KIAA1549: variants seen among roughly 807,000 people sequenced by gnomAD.
KIAA1549 encodes KIAA1549, also known as UPF0606 protein KIAA1549.
In KIAA1549, 70 loss-of-function variants were observed where a neutral mutation model predicts 156.4. The ratio of observed to expected loss-of-function variants is 0.45; its 90% CI spans 0.37 to 0.55. The LOEUF (loss-of-function observed/expected upper bound fraction) is 0.55. KIAA1549 is among the 20% of genes least tolerant of loss of function. The probability of loss-of-function intolerance (pLI) is 0.00; values close to 1 mark genes in which losing one functional copy is unlikely to be tolerated. For missense variants in KIAA1549, 2,428 were observed against 2,540.9 expected (o/e 0.96, Z 0.96); for synonymous variants, 1,103 against 1,066.4 (o/e 1.03, Z -0.67).
In KIAA1549 at chr7:138,869,615, G is replaced by A. The variant is rs1283716652; in HGVS notation, c.4698C>T (p.Arg1566=). Residue 1566 remains arginine (R), a synonymous_variant, in exon 14 of 20, where the codon CGC becomes CGT. Transcript: ENST00000422774. ...GDTKERHRVY[R]RAQMQIDKIL... is the part of the protein sequence containing the mutation. ...TCTTGTCGATCTGCATCTGTGCCCT[G>A]CGGTACACCCGGTGTCGCTCCTTAG... 3 of 1,606,364 alleles carry A rather than the reference G, an allele frequency of 1.9e-6. No individual in the cohort carries two copies. Among genetic ancestry groups the A allele is most frequent in the African/African-American group, 2.7e-5 (2 of 74,794 alleles).
intron 2 of KIAA1549, among the ~76,000 whole-genome samples, chr7:138,913,346 G>A (rs1026262031): frequency 6.6e-6 from 1 of 152,084 alleles, no homozygotes; most frequent in Non-Finnish European, 1.5e-5. Flanking sequence ...ATTTTATGTA[G>A]GAAATAAAAT....
At chr7:138,862,057 T>A (rs10954633) in intron 15 of KIAA1549, among the ~76,000 whole-genome samples, 69,160 of 151,952 alleles carry the variant, frequency 0.46, 18,056 homozygotes, top group African/African-American at 0.72. Context: ...CAGCCAAAAA[T>A]CATATTTCAA....
intron 17 of KIAA1549, among the ~76,000 whole-genome samples, chr7:138,850,579 A>T (rs575582984): frequency 1.3e-5 from 2 of 152,270 alleles, no homozygotes; most frequent in African/African-American, 2.4e-5. Flanking sequence ...GATGCTGGAT[A>T]TTAAACCTCG....
In KIAA1549 at chr7:138,917,122, C is replaced by T. The variant is rs1165526008; in HGVS notation, c.2504G>A (p.Gly835Asp). 3 of 1,612,688 alleles carry T rather than the reference C, an allele frequency of 1.9e-6. No homozygotes were observed. Among genetic ancestry groups the T allele is most frequent in the Non-Finnish European group, 2.5e-6 (3 of 1,179,392 alleles). ...GTACGCGTCAGTGATCAACACCGTA[C>T]CAGTGGGAATGGCTTTGGAGAAAGA... is the stretch of plus-strand genomic sequence containing the variant. ...LASFSKAIPT[G>D]TVLITDAYLP... Residue 835 changes from glycine (G) to aspartate (D), a missense_variant, in exon 2 of 20, where the codon GGT becomes GAT. Coordinates refer to ENST00000422774, the MANE Select transcript of KIAA1549 (RefSeq NM_001164665.2).
intron 8 of KIAA1549, among the ~76,000 whole-genome samples, chr7:138,902,515 T>C (rs1323317622): frequency 6.6e-6 from 1 of 152,156 alleles, no homozygotes; most frequent in African/African-American, 2.4e-5. Flanking sequence ...CATATGGAGA[T>C]GGAAATTAAT....
intron 11 of KIAA1549, 94 bp from the exon 12 acceptor site, chr7:138,879,747 G>A: frequency 1.3e-6 from 1 of 763,208 alleles, no homozygotes; most frequent in Non-Finnish European, 2.1e-6. Context: ...AGGCTTCCAG[G>A]CAAAACCAGC....
In KIAA1549 at chr7:138,907,054, G is replaced by A; in HGVS notation, c.3325C>T (p.Pro1109Ser). Residue 1109 changes from proline (P) to serine (S), a missense_variant, in exon 6 of 20, where the codon CCG becomes TCG. Physicochemically the swap from Pro to Ser is moderately conservative, Grantham distance 74. This residue lies in a region of KIAA1549 where 762 missense variants were observed against 901.6 expected (regional missense o/e 0.85). Transcript: ENST00000422774. ...TTAACCGCAAAGATGATATTCACCG[G>A]GCCCCGCCGAGGAGTCACCCTTGAG... ...SSSRVTPRRG[P>S]VNIIFAVKST... 1 of 1,612,646 alleles carries A rather than the reference G, an allele frequency of 6.2e-7. No individual in the cohort carries two copies. The highest frequency in any genetic ancestry group is 8.5e-7 in the Non-Finnish European group (1 of 1,179,444).
rs1474108110 is a variant in KIAA1549, at chr7:138,898,980, G to A, written c.3822C>T (p.Tyr1274=). The change falls in exon 9 of 20, where the codon TAC becomes TAT. Residue 1274 remains tyrosine, a synonymous_variant. Coordinates refer to ENST00000422774, the MANE Select transcript of KIAA1549 (RefSeq NM_001164665.2). ...DLQRAAIILG[Y]RIQGVIAQPV... Reference sequence around the variant, plus strand: ...GCTGGGCAATGACACCTTGAATTCGGTAACCCAAGATGATGGCTGCTCTCT... The same window carrying A: ...GCTGGGCAATGACACCTTGAATTCGATAACCCAAGATGATGGCTGCTCTCT... 1.2e-6 allele frequency: 2 copies of A among 1,613,770 alleles called. No homozygotes were observed. The highest frequency in any genetic ancestry group is 3.3e-5 in the Admixed American group (2 of 60,024).
intron 10 of KIAA1549, among the ~76,000 whole-genome samples, chr7:138,883,216 T>G (rs1422026381): frequency 1.6e-5 from 2 of 128,476 alleles, no homozygotes; most frequent in Non-Finnish European, 3.1e-5. Context: ...GAGATTTCAG[T>G]AAACTGAGAT....
chr7:138,880,051 A>G (rs1811198857), intron 11 of KIAA1549, among the ~76,000 whole-genome samples: 1 of 152,204 alleles, frequency 6.6e-6, no homozygotes, highest in Admixed American at 6.5e-5. Flanking sequence ...CAGAATCCTC[A>G]GGATGCTAGA....
intron 1 of KIAA1549, among the ~76,000 whole-genome samples, chr7:138,944,436 C>A (rs1207957495): frequency 6.9e-6 from 1 of 145,150 alleles, no homozygotes; most frequent in Non-Finnish European, 1.6e-5. Flanking sequence ...GAAATTGGAA[C>A]CCTTATACAC....
chr7:138,972,998 T>C (rs1814265347), intron 1 of KIAA1549, among the ~76,000 whole-genome samples: 1 of 152,154 alleles, frequency 6.6e-6, no homozygotes, highest in South Asian at 2.1e-4. Context: ...ATTTTTGTAT[T>C]TTTAGTAATG....
chr7:138,969,743 C>T (rs1363097785), intron 1 of KIAA1549, among the ~76,000 whole-genome samples: 4 of 152,100 alleles, frequency 2.6e-5, no homozygotes, highest in Non-Finnish European at 5.9e-5. Flanking sequence ...CAGGCCTGCA[C>T]CACCATGCCT....
At chr7:138,980,403 A>T (rs1814510334) in intron 1 of KIAA1549, among the ~76,000 whole-genome samples, 1 of 152,368 alleles carries the variant, frequency 6.6e-6, no homozygotes, top group African/African-American at 2.4e-5. Flanking sequence ...AACAGTCACT[A>T]AATTGCATCT....
intron 18 of KIAA1549, among the ~76,000 whole-genome samples, chr7:138,842,257 T>C (rs144544825): frequency 6.6e-6 from 1 of 152,170 alleles, no homozygotes; most frequent in South Asian, 2.1e-4. Flanking sequence ...CAGCACAGGC[T>C]TCCCCCATGA....
intron 1 of KIAA1549, among the ~76,000 whole-genome samples, chr7:138,929,653 C>T (rs1392682649): frequency 6.6e-6 from 1 of 152,124 alleles, no homozygotes; most frequent in Non-Finnish European, 1.5e-5. Flanking sequence ...CCTATGGCAG[C>T]TATATAGCCT....
At chr7:138,968,847 C>T (rs1044407985) in intron 1 of KIAA1549, among the ~76,000 whole-genome samples, 1 of 125,882 alleles carries the variant, frequency 7.9e-6, no homozygotes, top group Non-Finnish European at 1.6e-5. Context: ...GCGACAGAGC[C>T]AGACTCCGTC....
intron 16 of KIAA1549, among the ~76,000 whole-genome samples, chr7:138,857,872 T>G (rs1361221260): frequency 6.6e-6 from 1 of 152,214 alleles, no homozygotes; most frequent in African/African-American, 2.4e-5. Flanking sequence ...CCTTTTCACT[T>G]ACTTGTATCT....
At chr7:138,906,060 T>C (rs185980972) in intron 6 of KIAA1549, among the ~76,000 whole-genome samples, 1 of 152,226 alleles carries the variant, frequency 6.6e-6, no homozygotes, top group African/African-American at 2.4e-5. Flanking sequence ...TACTTTTTGA[T>C]AGCACCCCTT....
Sources: allele counts gnomAD v4.1 joint callset (sites outside exome capture counted in the v4.1 genomes callset), GRCh38; gene constraint gnomAD v4.1.1; regional missense constraint gnomAD v4.1.1; transcripts MANE v1.5; gene names NCBI Gene and HGNC (gene_info 2026-07-23, HGNC 2026-07-21).